OSBPL11: variants seen among roughly 807,000 people sequenced by gnomAD.
OSBPL11 encodes oxysterol binding protein like 11, also known as oxysterol-binding protein-related protein 11.
In OSBPL11, 33 loss-of-function variants were observed where a neutral mutation model predicts 84.4. That is an observed-to-expected ratio of 0.39 (90% CI 0.30 to 0.52). The LOEUF is 0.52. Among genes scored for constraint, OSBPL11 ranks in the 20% least tolerant of loss-of-function variants. The pLI is 0.72. For missense variants in OSBPL11, 736 were observed against 901.1 expected (o/e 0.82, Z 2.35); for synonymous variants, 276 against 310.2 (o/e 0.89, Z 1.16).
Position 125,553,387 on chromosome 3 carries a change from G to A in OSBPL11, c.1156-708C>T, listed in dbSNP as rs551362175. Among the ~76,000 whole-genome samples, 10 of 152,236 alleles carry A rather than the reference G, an allele frequency of 6.6e-5. No homozygotes were observed. In the South Asian group the frequency reaches 2.1e-3, roughly 32 times the overall value. On this transcript the variant is annotated intron_variant, in intron 8 of 12. Coordinates refer to ENST00000296220, the MANE Select transcript of OSBPL11 (RefSeq NM_022776.5). ...GAACAGACTAAAGAGATCACAGACC[G>A]AAGCAAAAACTGCAACATATATTTA...
At chr3:125,582,114 C>A (rs920319486) in intron 2 of OSBPL11, among the ~76,000 whole-genome samples, 6 of 152,026 alleles carry the variant, frequency 3.9e-5, no homozygotes, top group African/African-American at 7.2e-5. Flanking sequence ...ACGGGTAGAT[C>A]ACCTGAAGTC....
chr3:125,582,763 T>G, intron 2 of OSBPL11, 147 bp downstream of exon 2: 2 of 650,118 alleles, frequency 3.1e-6, no homozygotes, highest in Non-Finnish European at 5.3e-6. Context: ...TAAGAAGAAG[T>G]CACCAAACTT....
intron 10 of OSBPL11, among the ~76,000 whole-genome samples, chr3:125,540,002 A>C (rs1935706053): frequency 6.6e-6 from 1 of 152,208 alleles, no homozygotes; most frequent in Non-Finnish European, 1.5e-5. Flanking sequence ...GACAAAGTAG[A>C]ATTCAGGGAG....
chr3:125,569,818 G>A (rs559628270), intron 5 of OSBPL11, among the ~76,000 whole-genome samples: 9 of 152,300 alleles, frequency 5.9e-5, no homozygotes, highest in Non-Finnish European at 8.8e-5. Context: ...AGCCATACCC[G>A]AAGGAGTACA....
chr3:125,587,022 T>C lies in OSBPL11; in HGVS notation c.165-4044A>G, dbSNP rs547876393. Among the ~76,000 whole-genome samples, 149 of 152,300 alleles carry C rather than the reference T, an allele frequency of 9.8e-4. 2 individuals carry two copies. The Middle Eastern group carries it at 0.014, about 14-fold the overall frequency. ...AACTCTCCATCTCAAATCTATAATC[T>C]AATCTAAGAGAAATATATCTCCTTG... On this transcript the variant is annotated intron_variant, in intron 1 of 12. Coordinates refer to ENST00000296220, the MANE Select transcript of OSBPL11 (RefSeq NM_022776.5).
chr3:125,578,929 G>T, intron 4 of OSBPL11, 31 bp downstream of exon 4: 2 of 1,299,750 alleles, frequency 1.5e-6, no homozygotes, highest in Middle Eastern at 2.5e-4. Flanking sequence ...CCTCATTTTT[G>T]TATATTAATA....
At chr3:125,563,387 A>G (rs1435247441) in intron 7 of OSBPL11, among the ~76,000 whole-genome samples, 2 of 152,198 alleles carry the variant, frequency 1.3e-5, no homozygotes, top group Non-Finnish European at 2.9e-5. Flanking sequence ...AGAGACAAAC[A>G]TTGTGCAAAT....
chr3:125,572,111 C>T (rs910343980), intron 5 of OSBPL11, among the ~76,000 whole-genome samples: 1 of 152,248 alleles, frequency 6.6e-6, no homozygotes, highest in African/African-American at 2.4e-5. Flanking sequence ...GGATGTGAGA[C>T]ATGGAGTCAA....
rs1169965002 is a variant in OSBPL11 at position 125,552,398 on chromosome 3, C to G, written c.1437G>C (p.Gln479His). ...ATAAAGGAGCATGATTTGTGACTCC[C>G]TGGGTGGAAGAACTGCTAAAAACAC... ...ASSVFSSSST[Q>H]GVTNHAPLSG... The change falls in exon 9 of 13, where the codon CAG becomes CAC. Residue 479 changes from glutamine to histidine, a missense_variant. Around this residue, in one of 3 missense-constraint regions of OSBPL11, gnomAD observed 579 missense variants for 717.6 expected, o/e 0.81. Transcript: ENST00000296220. 1.7e-5 allele frequency: 27 copies of G among 1,614,126 alleles called. No individual in the cohort carries two copies. The highest frequency in any genetic ancestry group is 2.2e-5 in the Non-Finnish European group (26 of 1,180,016).
chr3:125,572,803 TTATA>T (rs541803463), intron 5 of OSBPL11, among the ~76,000 whole-genome samples: 4 of 144,842 alleles, frequency 2.8e-5, no homozygotes, highest in African/African-American at 9.9e-5. Flanking sequence ...TATGGACTAA[TTATA>T]TATATATATA....
At chr3:125,535,604 A>G (rs1166677921) in intron 11 of OSBPL11, among the ~76,000 whole-genome samples, 1 of 151,380 alleles carries the variant, frequency 6.6e-6, no homozygotes. Flanking sequence ...CCACCACGCC[A>G]GGTGATTTTT....
chr3:125,546,708 T>C (rs1025023959), intron 10 of OSBPL11, among the ~76,000 whole-genome samples: 3 of 151,920 alleles, frequency 2.0e-5, no homozygotes. Context: ...CTGGCCAACA[T>C]GGTGAAAGCC....
Position 125,532,011 on chromosome 3 carries a change from T to A in OSBPL11, c.2028A>T (p.Arg676=), listed in dbSNP as rs370931915. The change falls in exon 12 of 13, where the codon CGA becomes CGT. Residue 676 remains arginine, a synonymous_variant. Transcript: ENST00000296220. ...LEKQDPFESR[R]LWKNVTDSLR... ...GCGAGTCTGTCACATTTTTCCACAATCGCCTGAAATCCAAAAACCACACAT... is the reference window on the plus strand; with the variant it reads ...GCGAGTCTGTCACATTTTTCCACAAACGCCTGAAATCCAAAAACCACACAT... 1.5e-5 allele frequency: 24 copies of A among 1,599,394 alleles called. No homozygotes were observed. Among genetic ancestry groups the A allele is most frequent in the Non-Finnish European group, 2.0e-5 (23 of 1,175,792 alleles).
At chr3:125,539,873 AGAGAATATGGCTTATCTAGATTCAAAAG>A (rs1158596671) in intron 10 of OSBPL11, among the ~76,000 whole-genome samples, 1 of 152,214 alleles carries the variant, frequency 6.6e-6, no homozygotes, top group Non-Finnish European at 1.5e-5. Flanking sequence ...TCAGTGTACA[AGAGAATATGGCTTATCTAGATTCAAAAG>A]GAAATCCAAA....
intron 5 of OSBPL11, among the ~76,000 whole-genome samples, chr3:125,572,429 G>T (rs1166287292): frequency 6.6e-6 from 1 of 152,094 alleles, no homozygotes; most frequent in African/African-American, 2.4e-5. Context: ...ATGAGATTTG[G>T]GAGGGGCCAG....
intron 1 of OSBPL11, among the ~76,000 whole-genome samples, chr3:125,585,133 T>C (rs1207796917): frequency 1.3e-5 from 2 of 152,156 alleles, no homozygotes; most frequent in Admixed American, 6.6e-5. Flanking sequence ...TGTATCTCTT[T>C]TTTTTATTTT....
chr3:125,549,716 G>C (rs1038084947), intron 9 of OSBPL11, among the ~76,000 whole-genome samples: 2 of 151,948 alleles, frequency 1.3e-5, no homozygotes, highest in Non-Finnish European at 2.9e-5. Flanking sequence ...CAAACTCCTG[G>C]GTTCAAGCTA....
chr3:125,548,855 T>G (rs1228442822), intron 9 of OSBPL11, among the ~76,000 whole-genome samples: 1 of 151,652 alleles, frequency 6.6e-6, no homozygotes, highest in Non-Finnish European at 1.5e-5. Context: ...TAAAGTAGCC[T>G]ACACAAAGCA....
At chr3:125,541,943 A>G (rs936088935) in intron 10 of OSBPL11, among the ~76,000 whole-genome samples, 1 of 152,234 alleles carries the variant, frequency 6.6e-6, no homozygotes. Context: ...TAAAGGACTC[A>G]AAGTCCGGTT....
Sources: allele counts gnomAD v4.1 joint callset (sites outside exome capture counted in the v4.1 genomes callset), GRCh38; gene constraint gnomAD v4.1.1; regional missense constraint gnomAD v4.1.1; transcripts MANE v1.5; gene names NCBI Gene and HGNC (gene_info 2026-07-23, HGNC 2026-07-21).